Variants in PLEKHG7 observed in about 807,000 individuals in gnomAD.
The protein encoded by PLEKHG7 is pleckstrin homology domain-containing family G member 7.
A neutral mutation model predicts 85.2 loss-of-function variants in PLEKHG7; 77 were observed. The observed-to-expected ratio is 0.90, with a 90% CI of 0.75 to 1.09. The LOEUF (loss-of-function observed/expected upper bound fraction) is 1.09. PLEKHG7 is among the 50% of genes least tolerant of loss of function. PLEKHG7 has a pLI of 0.00. For synonymous variants in PLEKHG7, 301 were observed against 302.4 expected, an observed-to-expected ratio of 1.00 and a Z score of 0.05; for missense variants, 777 against 804.3, an observed-to-expected ratio of 0.97 and a Z score of 0.41.
chr12:92,753,809 A>G (rs777380684), intron 10 of PLEKHG7, among the ~76,000 whole-genome samples: 11 of 152,234 alleles, frequency 7.2e-5, no homozygotes, highest in Admixed American at 2.6e-4. Flanking sequence ...CTCTCCCCTG[A>G]AGGCCAGGGA....
intron 11 of PLEKHG7, among the ~76,000 whole-genome samples, chr12:92,754,949 T>TAA (rs200289354): frequency 6.7e-6 from 1 of 149,680 alleles, no homozygotes. Flanking sequence ...ACAGATGCTT[T>TAA]AAAAAAAAAA....
rs938625744 is a variant in PLEKHG7 at position 92,770,652 on chromosome 12, A to T, written c.*457A>T. 1.2e-4 allele frequency: 19 copies of T among 153,004 alleles called. No homozygotes were observed. The highest frequency in any genetic ancestry group is 2.0e-4 in the Admixed American group (3 of 15,280). The allele number at this position is 153,004 out of a possible 1,614,324, so 9.5% of individuals were successfully genotyped here. Reference sequence around the variant, plus strand: ...ACCGCTTTATAGTCCTACCTCAAACATAATGATAAATCTTTAGATACAAAG... The same window carrying T: ...ACCGCTTTATAGTCCTACCTCAAACTTAATGATAAATCTTTAGATACAAAG... On this transcript the variant is annotated 3_prime_UTR_variant, in exon 17 of 17. Coordinates refer to ENST00000344636, the MANE Select transcript of PLEKHG7 (RefSeq NM_001377329.1).
chr12:92,743,762 A>G (rs112027317), intron 9 of PLEKHG7, among the ~76,000 whole-genome samples: 11,855 of 152,094 alleles, frequency 0.078, 594 homozygotes, highest in African/African-American at 0.13. Context: ...GTTTCATCAT[A>G]TTGGCCAGGC....
chr12:92,709,193 G>A (rs577763710), intron 3 of PLEKHG7, among the ~76,000 whole-genome samples: 4 of 152,184 alleles, frequency 2.6e-5, no homozygotes, highest in Non-Finnish European at 5.9e-5. Context: ...ATGAGAAGTT[G>A]TTAAGTTAGA....
intron 1 of PLEKHG7, among the ~76,000 whole-genome samples, chr12:92,704,409 T>C (rs1490867502): frequency 1.3e-5 from 2 of 152,208 alleles, no homozygotes; most frequent in African/African-American, 2.4e-5. Flanking sequence ...TTCATACCTC[T>C]CCAGCAATGT....
At chr12:92,707,285 G>T (rs1871265276) in intron 2 of PLEKHG7, 147 bp downstream of exon 2, 1 of 1,435,632 alleles carries the variant, frequency 7.0e-7, no homozygotes, top group African/African-American at 1.4e-5. Context: ...TTCTCTTTAG[G>T]AAGCATTGGC....
rs1565785197 is a variant in PLEKHG7, at chr12:92,706,995, C to T, written c.364C>T (p.Leu122=). 6.2e-7 allele frequency: 1 copy of T among 1,614,212 alleles called. No individual in the cohort carries two copies. The highest frequency in any genetic ancestry group is 1.3e-5 in the African/African-American group (1 of 75,066). ...PERALNAADS[L]EPQTRPTDKY... is the part of the protein sequence containing the mutation. The stretch of plus-strand genomic sequence containing the variant: ...AAGGGCCCTGAATGCAGCTGACTCA[C>T]TGGAGCCCCAAACCCGGCCCACTGA... The change falls in exon 2 of 17, where the codon CTG becomes TTG. Residue 122 remains leucine (L), a synonymous_variant. Transcript: ENST00000344636.
At chr12:92,747,543 A>C (rs1324246422) in intron 10 of PLEKHG7, among the ~76,000 whole-genome samples, 3 of 152,220 alleles carry the variant, frequency 2.0e-5, no homozygotes, top group African/African-American at 7.2e-5. Flanking sequence ...ATTATCCAGC[A>C]ATCCCACCAC....
chr12:92,754,045 T>C (rs1872758240), intron 10 of PLEKHG7, 45 bp from the exon 11 acceptor site: 3 of 1,590,784 alleles, frequency 1.9e-6, no homozygotes, highest in East Asian at 4.5e-5. Flanking sequence ...AGTGGCTCAG[T>C]GGGAGAGGTG....
chr12:92,716,717 C>T (rs10777440), intron 3 of PLEKHG7, among the ~76,000 whole-genome samples: 71,399 of 152,158 alleles, frequency 0.47, 17,862 homozygotes, highest in East Asian at 0.9. Flanking sequence ...GGTTTCCCCG[C>T]ATCTTATAAA....
At position 92,769,069 on chromosome 12, in the gene PLEKHG7, G is replaced by A. The variant is rs1396345694; in HGVS notation, c.1957G>A (p.Glu653Lys). 1.3e-6 allele frequency: 2 copies of A among 1,579,182 alleles called. No homozygotes were observed. The highest frequency in any genetic ancestry group is 1.7e-6 in the Non-Finnish European group (2 of 1,151,494). Residue 653 changes from glutamate to lysine, a missense_variant, in exon 16 of 17, where the codon GAA (glutamate) becomes AAA (lysine). By Grantham distance (56) the Glu-to-Lys change is moderately conservative. Transcript: ENST00000344636. ...AGCATTCTTATTACAAGCCCAAACG[G>A]AAAACATCAAAGTATGTATTTTAAT... ...IAAFLLQAQT[E>K]NIKKTWMAQI...
At chr12:92,747,572 A>G (rs1445540227) in intron 10 of PLEKHG7, among the ~76,000 whole-genome samples, 2 of 152,238 alleles carry the variant, frequency 1.3e-5, no homozygotes, top group African/African-American at 4.8e-5. Flanking sequence ...TAGCCAAAAG[A>G]AATAAATCAG....
intron 10 of PLEKHG7, among the ~76,000 whole-genome samples, chr12:92,753,665 C>T (rs567812182): frequency 6.6e-6 from 1 of 152,262 alleles, no homozygotes; most frequent in East Asian, 1.9e-4. Flanking sequence ...CTGATCCTCC[C>T]CAACTAAGAG....
At position 92,755,850 on chromosome 12, in the gene PLEKHG7, G is replaced by T; in HGVS notation, c.1452G>T (p.Trp484Cys). The change falls in exon 12 of 17, where the codon TGG (tryptophan) becomes TGT (cysteine). Residue 484 changes from tryptophan (W) to cysteine (C), a missense_variant. Transcript: ENST00000344636. Reference protein sequence around the residue: ...SIRDLEGKVKWLDNFQKFRYL... With the variant: ...SIRDLEGKVKCLDNFQKFRYL... ...GGGACCTTGAAGGAAAAGTGAAGTG[G>T]CTGGACAATTTCCAAAAATTTAGAT... 6.2e-7 allele frequency: 1 copy of T among 1,613,404 alleles called. No individual in the cohort carries two copies. The highest frequency in any genetic ancestry group is 8.5e-7 in the Non-Finnish European group (1 of 1,179,554).
At chr12:92,733,170 C>T (rs1475004873) in intron 5 of PLEKHG7, among the ~76,000 whole-genome samples, 1 of 152,160 alleles carries the variant, frequency 6.6e-6, no homozygotes, top group Non-Finnish European at 1.5e-5. Context: ...TCCCTTACTG[C>T]CCTATGACCT....
Position 92,706,526 on chromosome 12 carries a change from AGCATGGCACTTGGAT to A in PLEKHG7, c.-102_-88del. The A allele has an allele frequency of 7.4e-7, 1 of 1,357,218 alleles. No individual in the cohort carries two copies. Among genetic ancestry groups the A allele is most frequent in the Non-Finnish European group, 9.9e-7 (1 of 1,006,326 alleles). 84.1% of individuals were successfully genotyped at this position (1,357,218 alleles called of 1,614,324 possible). On this transcript the variant is annotated 5_prime_UTR_variant, in exon 2 of 17. It removes an upstream start codon present in the reference 5' UTR. Coordinates refer to ENST00000344636, the MANE Select transcript of PLEKHG7 (RefSeq NM_001377329.1). ...GAAAAGGAAAAGAACTACGAGAGGA[AGCATGGCACTTGGAT>A]GCAGAAATTGAGCACCCTCCATGTG...
chr12:92,761,608 AAAGAAAGAAAGAAAGAAGAAAGAAAG>A (rs1872998500), intron 13 of PLEKHG7, 118 bp from the exon 14 acceptor site: 2 of 1,007,152 alleles, frequency 2.0e-6, no homozygotes, highest in South Asian at 2.0e-5. Context: ...AAAGAAAGAA[AAAGAAAGAAAGAAAGAAGAAAGAAAG>A]AAAGAAAGAA....
At chr12:92,724,833 G>T (rs958264679) in intron 3 of PLEKHG7, among the ~76,000 whole-genome samples, 1 of 152,184 alleles carries the variant, frequency 6.6e-6, no homozygotes, top group African/African-American at 2.4e-5. Flanking sequence ...GAGAGTCAGA[G>T]CAGGTCAGCC....
intron 15 of PLEKHG7, among the ~76,000 whole-genome samples, chr12:92,765,189 T>C (rs1390992557): frequency 6.6e-6 from 1 of 151,942 alleles, no homozygotes; most frequent in Non-Finnish European, 1.5e-5. Context: ...CATAACTAAG[T>C]TATATATTTA....
Sources: gnomAD v4.1 joint callset for allele counts (sites outside exome capture counted in the v4.1 genomes callset) on GRCh38, gnomAD v4.1.1 for gene constraint, MANE v1.5 for transcripts, NCBI Gene and HGNC (gene_info 2026-07-23, HGNC 2026-07-21) for gene names.